The following GRTP1 variants were observed in gnomAD, a reference collection of about 807,000 sequenced individuals.
GRTP1 encodes growth hormone-regulated TBC protein 1.
In GRTP1, 56 loss-of-function variants were observed where a neutral mutation model predicts 38.1. That is an observed-to-expected ratio of 1.47 (90% confidence interval 1.19 to 1.84). The LOEUF (loss-of-function observed/expected upper bound fraction) is 1.84. GRTP1 is among the 40% of genes most tolerant of loss of function. The probability of loss-of-function intolerance (pLI) is 0.00; values close to 1 mark genes in which losing one functional copy is unlikely to be tolerated. For missense variants in GRTP1, 506 were observed against 453.9 expected (o/e 1.11, Z -1.04); for synonymous variants, 217 against 189.5 (o/e 1.14, Z -1.19).
In GRTP1 at chr13:113,344,856, A is replaced by G. The variant is rs967007403; in HGVS notation, c.562+7T>C. ...GTTCGGGCATACCGCAGGAATTTTC[A>G]ACATACCTGGTAGTATTCTTCCAAC... On this transcript the variant is annotated splice_region_variant and intron_variant, in intron 5 of 7. Coordinates refer to ENST00000375431, the MANE Select transcript of GRTP1 (RefSeq NM_024719.4). 7 of 1,598,774 alleles carry G rather than the reference A, an allele frequency of 4.4e-6. No individual in the cohort carries two copies. The African/African-American group carries it at 9.4e-5, about 22-fold the overall frequency.
At position 113,325,657 on chromosome 13, in the gene GRTP1, A is replaced by G; in HGVS notation, c.921+4T>C. ...GGGACTGAGCCACGTGCAGCCCCAC[A>G]CACCTGCATAAACGTGTGACACTCC... On this transcript the variant is annotated splice_donor_region_variant and intron_variant, in intron 7 of 7. Transcript: ENST00000375431. The G allele has an allele frequency of 6.2e-7, 1 of 1,613,870 alleles. No individual in the cohort carries two copies. Among genetic ancestry groups the G allele is most frequent in the Non-Finnish European group, 8.5e-7 (1 of 1,179,990 alleles).
At chr13:113,331,979 G>T (rs980691169) in intron 5 of GRTP1, among the ~76,000 whole-genome samples, 2 of 150,600 alleles carry the variant, frequency 1.3e-5, no homozygotes, top group Admixed American at 1.3e-4. Context: ...TTAAAAAAAG[G>T]TATTTTGGGC....
At chr13:113,351,048 G>T (rs925296455) in intron 3 of GRTP1, 75 bp from the exon 4 acceptor site, 4 of 1,594,590 alleles carry the variant, frequency 2.5e-6, no homozygotes, top group Non-Finnish European at 3.4e-6. Context: ...TGCCCCGAGG[G>T]TGGCCACCTG....
intron 5 of GRTP1, among the ~76,000 whole-genome samples, chr13:113,330,614 AG>A (rs2139405139): frequency 8.9e-6 from 1 of 112,898 alleles, no homozygotes; most frequent in East Asian, 3.1e-4. Context: ...ATGGGAGCCC[AG>A]GTGTGTGCAT....
chr13:113,332,961 CTGACCAACCGCCTTCTAG>C (rs1489834288), intron 5 of GRTP1, among the ~76,000 whole-genome samples: 1 of 152,252 alleles, frequency 6.6e-6, no homozygotes, highest in African/African-American at 2.4e-5. Flanking sequence ...ACACACAGCA[CTGACCAACCGCCTTCTAG>C]TGACCAGACG....
chr13:113,356,866 C>A (rs758543926), intron 2 of GRTP1, among the ~76,000 whole-genome samples: 16 of 152,160 alleles, frequency 1.1e-4, no homozygotes, highest in Non-Finnish European at 2.1e-4. Flanking sequence ...AAGGACAGGC[C>A]CTTGTCTGTC....
At chr13:113,359,659 C>T (rs954426894) in intron 2 of GRTP1, 8 of 152,170 alleles carry the variant, frequency 5.3e-5, no homozygotes, top group Admixed American at 2.6e-4. Context: ...CACTCTGCTC[C>T]GCTATGACTT....
rs2139486634 is a variant in GRTP1 at position 113,348,841 on chromosome 13, G to C, written c.465+2008C>G. ...CCGCGACCTCACCTGCCCCGCAGAT[G>C]CCGCGACCTCTGATGCACAGCTTCC... On this transcript the variant is annotated intron_variant, in intron 4 of 7. Transcript: ENST00000375431. The surrounding 1 kb of genome is among the most constrained non-coding windows in gnomAD (Gnocchi z 4.8). Among the ~76,000 whole-genome samples, 1 of 152,252 alleles carries C rather than the reference G, an allele frequency of 6.6e-6. No homozygotes were observed. Among genetic ancestry groups the C allele is most frequent in the South Asian group, 2.1e-4 (1 of 4,820 alleles).
chr13:113,336,452 A>AGG (rs2042956619), intron 5 of GRTP1, among the ~76,000 whole-genome samples: 1 of 152,082 alleles, frequency 6.6e-6, no homozygotes, highest in Non-Finnish European at 1.5e-5. Flanking sequence ...GCACTAGGAA[A>AGG]GGCCAACTTG....
intron 2 of GRTP1, chr13:113,359,571 CT>C (rs2043457032): frequency 6.6e-6 from 1 of 152,166 alleles, no homozygotes; most frequent in Non-Finnish European, 1.5e-5. Context: ...AAGACCCTGT[CT>C]CGATAATAAC....
At chr13:113,325,460 AAGACAGGGCCGCCAT>A (rs1025997725) in intron 7 of GRTP1, 186 bp downstream of exon 7, 174 of 1,449,174 alleles carry the variant, frequency 1.2e-4, no homozygotes, top group Admixed American at 3.3e-4. Flanking sequence ...CAGGGCCAAG[AAGACAGGGCCGCCAT>A]AGACAGGAAA....
At chr13:113,341,959 T>G (rs951803794) in intron 5 of GRTP1, among the ~76,000 whole-genome samples, 1 of 152,142 alleles carries the variant, frequency 6.6e-6, no homozygotes, top group Non-Finnish European at 1.5e-5. Context: ...GCCCTGTTTT[T>G]TTTTGAGATG....
At chr13:113,333,476 T>A (rs1212000621) in intron 5 of GRTP1, among the ~76,000 whole-genome samples, 1 of 152,210 alleles carries the variant, frequency 6.6e-6, no homozygotes. Context: ...AAGATTTCTC[T>A]TCAGTGCCTG....
In GRTP1 at chr13:113,347,176, G is replaced by C. The variant is rs1478252694; in HGVS notation, c.466-2217C>G. Among the ~76,000 whole-genome samples the C allele has an allele frequency of 2.0e-4, 18 of 91,972 alleles. 1 individual carries two copies. Among genetic ancestry groups the C allele is most frequent in the East Asian group, 5.9e-4 (2 of 3,392 alleles). 60.3% of individuals were successfully genotyped at this position (91,972 alleles called of 152,430 possible). ...GACCCGGGAGGACCTCTGTGGCAGA[G>C]AGCAGACCCAGGAGGACCTCTGTGG... On this transcript the variant is annotated intron_variant, in intron 4 of 7. Transcript: ENST00000375431.
rs371590803 is a variant in GRTP1 at position 113,325,620 on chromosome 13, G to A, written c.921+41C>T. On this transcript the variant is annotated intron_variant, in intron 7 of 7. Transcript: ENST00000375431. ...GCCCCCGGGCTGCAGGTGAGGCGGG[G>A]CCCCCTGGGAGGGGACTGAGCCACG... 48 of 1,613,472 alleles carry A rather than the reference G, an allele frequency of 3.0e-5. No homozygotes were observed. In the African/African-American group the frequency reaches 6.2e-4, roughly 21 times the overall value.
chr13:113,350,112 C>T (rs981516345), intron 4 of GRTP1, among the ~76,000 whole-genome samples: 9 of 152,148 alleles, frequency 5.9e-5, no homozygotes, highest in Non-Finnish European at 1.3e-4. Context: ...GATGCCTGCC[C>T]TGCCCTCGGC....
At chr13:113,328,401 C>T (rs185305662) in intron 5 of GRTP1, among the ~76,000 whole-genome samples, 238 of 152,350 alleles carry the variant, frequency 1.6e-3, no homozygotes, top group African/African-American at 5.3e-3. Flanking sequence ...ACTTCATTTC[C>T]ACTCTGCAGA....
rs577249093 is a variant in GRTP1 at position 113,357,888 on chromosome 13, T to A, written c.182-2407A>T. The stretch of plus-strand genomic sequence containing the variant: ...AATGAACACCTGGAAATCATATATT[T>A]AAAACTGCGGCCTGGCGTGGTGGTT... On this transcript the variant is annotated intron_variant, in intron 2 of 7. Transcript: ENST00000375431. Among the ~76,000 whole-genome samples the A allele has an allele frequency of 5.3e-5, 8 of 152,196 alleles. No homozygotes were observed. In the East Asian group the frequency reaches 1.4e-3, roughly 26 times the overall value.
chr13:113,335,965 G>A (rs2042948844), intron 5 of GRTP1, among the ~76,000 whole-genome samples: 2 of 151,788 alleles, frequency 1.3e-5, no homozygotes, highest in African/African-American at 4.8e-5. Flanking sequence ...GCTACTTTTT[G>A]TATTTTAGTA....
Sources: gnomAD v4.1 joint callset for allele counts (sites outside exome capture counted in the v4.1 genomes callset) on GRCh38, gnomAD v4.1.1 for gene constraint, Gnocchi (gnomAD v3.1) non-coding constraint, MANE v1.5 for transcripts, NCBI Gene and HGNC (gene_info 2026-07-23, HGNC 2026-07-21) for gene names.